MAP1B: variants seen among roughly 807,000 people sequenced by gnomAD.
MAP1B encodes microtubule associated protein 1B.
In MAP1B, 12 loss-of-function variants were observed where a neutral mutation model predicts 176.1. The ratio of observed to expected loss-of-function variants is 0.07; its 90% CI spans 0.04 to 0.11. The LOEUF (loss-of-function observed/expected upper bound fraction) is 0.11, where lower values mean the gene tolerates loss of function less well. MAP1B is among the 10% of genes least tolerant of loss of function. MAP1B has a pLI of 1.00. For synonymous variants in MAP1B, 1,044 were observed against 1,135.0 expected, an observed-to-expected ratio of 0.92 and a Z score of 1.61; for missense variants, 2,523 against 2,990.5, an observed-to-expected ratio of 0.84 and a Z score of 3.65.
intron 2 of MAP1B, among the ~76,000 whole-genome samples, chr5:72,163,930 C>CT (rs869167918): frequency 0.07 from 3,036 of 43,528 alleles, 249 homozygotes; most frequent in African/African-American, 0.14. Context: ...TTTTTTTTTT[C>CT]TTTTTTTTTT....
intron 2 of MAP1B, among the ~76,000 whole-genome samples, chr5:72,165,822 G>GCA (rs1171977666): frequency 6.6e-6 from 1 of 152,172 alleles, no homozygotes; most frequent in Non-Finnish European, 1.5e-5. Flanking sequence ...AGTAGAACAT[G>GCA]TACTGCATGT....
intron 2 of MAP1B, among the ~76,000 whole-genome samples, chr5:72,123,687 T>C (rs1377714453): frequency 6.6e-6 from 1 of 152,136 alleles, no homozygotes; most frequent in Non-Finnish European, 1.5e-5. Context: ...GGTTTCACTG[T>C]GTTAGCCAGG....
At chr5:72,159,915 G>C (rs1366310162) in intron 2 of MAP1B, among the ~76,000 whole-genome samples, 1 of 152,142 alleles carries the variant, frequency 6.6e-6, no homozygotes, top group Non-Finnish European at 1.5e-5. Context: ...ACGTTCACCT[G>C]GTAAAGAGTG....
intron 2 of MAP1B, among the ~76,000 whole-genome samples, chr5:72,125,571 G>C (rs1433554280): frequency 6.6e-6 from 1 of 152,110 alleles, no homozygotes; most frequent in African/African-American, 2.4e-5. Context: ...TTACAATTGA[G>C]TATGGAAATA....
At chr5:72,175,451 G>T (rs1746633783) in intron 2 of MAP1B, among the ~76,000 whole-genome samples, 1 of 152,120 alleles carries the variant, frequency 6.6e-6, no homozygotes, top group Non-Finnish European at 1.5e-5. Context: ...ATTGGGCTTT[G>T]CTGGTTCTAC....
intron 1 of MAP1B, among the ~76,000 whole-genome samples, chr5:72,109,059 C>T (rs541800489): frequency 2.0e-5 from 3 of 152,170 alleles, no homozygotes; most frequent in Non-Finnish European, 4.4e-5. Context: ...CTCCCCCTCC[C>T]CAATAAAAGA....
At position 72,136,957 on chromosome 5, in the gene MAP1B, A is replaced by G. The variant is rs558646886; in HGVS notation, c.286+21158A>G. On this transcript the variant is annotated intron_variant, in intron 2 of 6. Transcript: ENST00000296755. ...CATTTGGTCATTTTGAGTTGCAGGG[A>G]GATTCTGATTTCTGCATCTTCTTCC... Among the ~76,000 whole-genome samples the G allele has an allele frequency of 8.5e-5, 13 of 152,288 alleles. No individual in the cohort carries two copies. The South Asian group carries it at 2.7e-3, about 32-fold the overall frequency.
At position 72,199,948 on chromosome 5, in the gene MAP1B, T is replaced by C. The variant is rs776326341; in HGVS notation, c.6593T>C (p.Met2198Thr). 2.0e-5 allele frequency: 32 copies of C among 1,614,028 alleles called. No homozygotes were observed. Among genetic ancestry groups the C allele is most frequent in the East Asian group, 2.2e-5 (1 of 44,892 alleles). Residue 2198 changes from methionine (M) to threonine (T), a missense_variant, in exon 5 of 7, where the codon ATG becomes ACG. Transcript: ENST00000296755. This position sits in a 1 kb window ranked among gnomAD's most constrained non-coding sequence, Gnocchi z 4.2. ...PTDKTVTYKH[M>T]DPPPAPVQDR... The stretch of plus-strand genomic sequence containing the variant: ...GACAAAACTGTCACGTACAAACACA[T>C]GGACCCACCTCCAGCTCCCGTGCAA...
In MAP1B at chr5:72,199,258, A is replaced by C; in HGVS notation, c.5903A>C (p.Glu1968Ala). The change falls in exon 5 of 7, where the codon GAA becomes GCA. Residue 1968 changes from glutamate to alanine, a missense_variant. By Grantham distance (107) the Glu-to-Ala change is moderately radical. Coordinates refer to ENST00000296755, the MANE Select transcript of MAP1B (RefSeq NM_005909.5). This position sits in a 1 kb window ranked among gnomAD's most constrained non-coding sequence, Gnocchi z 4.2. ...DISEKTTSPPEVSGYSYEKTE... is the reference protein window; with the variant it reads ...DISEKTTSPPAVSGYSYEKTE... ...AGTGAAAAGACCACCAGCCCCCCCG[A>C]AGTGAGTGGTTACAGCTATGAAAAG... 6.2e-7 allele frequency: 1 copy of C among 1,614,110 alleles called. No homozygotes were observed.
At position 72,203,701 on chromosome 5, in the gene MAP1B, A is replaced by G. The variant is rs538976978; in HGVS notation, c.7151A>G (p.Tyr2384Cys). 6.2e-7 allele frequency: 1 copy of G among 1,614,048 alleles called. No homozygotes were observed. Among genetic ancestry groups the G allele is most frequent in the African/African-American group, 1.3e-5 (1 of 75,038 alleles). ...VEFFKRVRSS[Y>C]YVVSGNDPAA... ...TTTTTCAAGAGAGTGCGGTCTTCCT[A>G]CTACGTGGTGAGTGGGAATGACCCT... Residue 2384 changes from tyrosine (Y) to cysteine (C), a missense_variant, in exon 6 of 7, where the codon TAC (tyrosine) becomes TGC (cysteine). Tyr to Cys is a radical substitution (Grantham distance 194). This residue lies in a region of MAP1B where 287 missense variants were observed against 401.5 expected (regional missense o/e 0.71). Transcript: ENST00000296755.
chr5:72,165,698 A>AT (rs1746414677), intron 2 of MAP1B, among the ~76,000 whole-genome samples: 1 of 152,246 alleles, frequency 6.6e-6, no homozygotes, highest in Non-Finnish European at 1.5e-5. Context: ...TCACTACCCT[A>AT]GATGAAAAAG....
At chr5:72,200,417 GC>G in intron 5 of MAP1B, 50 bp downstream of exon 5, 1 of 1,571,880 alleles carries the variant, frequency 6.4e-7, no homozygotes, top group South Asian at 1.2e-5. Flanking sequence ...CATTCTACTT[GC>G]GTTTACAGCC....
chr5:72,166,367 T>G (rs1276971001), intron 2 of MAP1B, among the ~76,000 whole-genome samples: 2 of 152,092 alleles, frequency 1.3e-5, no homozygotes, highest in Non-Finnish European at 2.9e-5. Context: ...ACTGGAACCT[T>G]GGTGGAGAGG....
At chr5:72,181,059 A>G (rs1428117811) in intron 2 of MAP1B, among the ~76,000 whole-genome samples, 1 of 152,220 alleles carries the variant, frequency 6.6e-6, no homozygotes, top group Non-Finnish European at 1.5e-5. Context: ...GTAAAGGGGG[A>G]TAATCATAGT....
In MAP1B at chr5:72,209,102, G is replaced by T. The variant is rs1747514757; in HGVS notation, c.*3863G>T. The T allele has an allele frequency of 6.6e-6, 1 of 152,146 alleles. No homozygotes were observed. Among genetic ancestry groups the T allele is most frequent in the African/African-American group, 2.4e-5 (1 of 41,432 alleles). The allele number at this position is 152,146 out of a possible 1,614,324, so 9.4% of individuals were successfully genotyped here. A position where few individuals can be genotyped will look rare whatever the true frequency, so the allele number is the denominator to read the frequency against. On this transcript the variant is annotated 3_prime_UTR_variant, in exon 7 of 7. Transcript: ENST00000296755. ...TTCATGAAGTTGATTTTTAAAGGCA[G>T]CATCAAAAACTGAAAAGGAAGGGAA...
chr5:72,136,830 T>C (rs1745845533), intron 2 of MAP1B, among the ~76,000 whole-genome samples: 1 of 152,190 alleles, frequency 6.6e-6, no homozygotes. Flanking sequence ...GGTGCTAATA[T>C]GGGTGCTTAA....
Position 72,198,226 on chromosome 5 carries a change from T to A in MAP1B, c.4871T>A (p.Phe1624Tyr). The A allele has an allele frequency of 1.2e-6, 2 of 1,614,144 alleles. No individual in the cohort carries two copies. Among genetic ancestry groups the A allele is most frequent in the Non-Finnish European group, 1.7e-6 (2 of 1,180,006 alleles). ...PRPMSISPPD[F>Y]SPKTAKSRTP... ...CCGATGTCAATTTCTCCACCAGATT[T>A]CTCCCCTAAAACTGCAAAGTCCAGG... Residue 1624 changes from phenylalanine to tyrosine, a missense_variant, in exon 5 of 7, where the codon TTC (phenylalanine) becomes TAC (tyrosine). Phe to Tyr is a conservative substitution (Grantham distance 22). Around this residue, in one of 4 missense-constraint regions of MAP1B, gnomAD observed 1,925 missense variants for 2,126.0 expected, o/e 0.91. Coordinates refer to ENST00000296755, the MANE Select transcript of MAP1B (RefSeq NM_005909.5).
intron 4 of MAP1B, among the ~76,000 whole-genome samples, chr5:72,193,581 G>C (rs1747076187): frequency 6.6e-6 from 1 of 152,162 alleles, no homozygotes; most frequent in Non-Finnish European, 1.5e-5. Flanking sequence ...TCCCCTGCTG[G>C]GCAGGAATAG....
chr5:72,144,507 C>A (rs1050627591), intron 2 of MAP1B, among the ~76,000 whole-genome samples: 1 of 152,184 alleles, frequency 6.6e-6, no homozygotes, highest in Non-Finnish European at 1.5e-5. Flanking sequence ...GATCCTCCCT[C>A]CTTAGCCTAC....
Sources: gnomAD v4.1 joint callset for allele counts (sites outside exome capture counted in the v4.1 genomes callset) on GRCh38, gnomAD v4.1.1 for gene constraint, gnomAD v4.1.1 regional missense constraint, Gnocchi (gnomAD v3.1) non-coding constraint, MANE v1.5 for transcripts, NCBI Gene and HGNC (gene_info 2026-07-23, HGNC 2026-07-21) for gene names.